TGM2: variants seen among roughly 807,000 people sequenced by gnomAD.
The protein encoded by TGM2 is protein-glutamine gamma-glutamyltransferase 2.
In TGM2, 53 loss-of-function variants were observed where a neutral mutation model predicts 75.6. That is an observed-to-expected ratio of 0.70 (90% CI 0.56 to 0.88). TGM2 has a LOEUF of 0.88. Ranked by LOEUF, TGM2 falls within the 40% of genes least tolerant of loss-of-function variation. The probability of loss-of-function intolerance (pLI) is 0.00; values close to 1 mark genes in which losing one functional copy is unlikely to be tolerated. For missense variants in TGM2, 842 were observed against 928.5 expected, an observed-to-expected ratio of 0.91 and a Z score of 1.21; for synonymous variants, 374 against 381.1, an observed-to-expected ratio of 0.98 and a Z score of 0.22.
intron 9 of TGM2, among the ~76,000 whole-genome samples, chr20:38,139,122 C>T (rs949134664): frequency 3.3e-5 from 5 of 152,154 alleles, no homozygotes; most frequent in East Asian, 1.9e-4. Context: ...ATTGGCTGTT[C>T]GATGTGCTCA....
chr20:38,156,340 A>G (rs1402309071), intron 2 of TGM2, among the ~76,000 whole-genome samples: 1 of 152,264 alleles, frequency 6.6e-6, no homozygotes, highest in Non-Finnish European at 1.5e-5. Context: ...GTCCTCAACT[A>G]AAGAGTCCTC....
chr20:38,164,017 G>A (rs573089025), intron 1 of TGM2, among the ~76,000 whole-genome samples: 55 of 152,372 alleles, frequency 3.6e-4, no homozygotes, highest in African/African-American at 9.6e-4. Context: ...TTCTAGGCCA[G>A]TGAGACCTCT....
At chr20:38,162,114 G>A (rs2075261512) in intron 1 of TGM2, among the ~76,000 whole-genome samples, 1 of 152,154 alleles carries the variant, frequency 6.6e-6, no homozygotes, top group Non-Finnish European at 1.5e-5. Context: ...GCCCAGCTTT[G>A]CCTAAATCTT....
chr20:38,135,121 G>GA (rs1470183447), intron 10 of TGM2, among the ~76,000 whole-genome samples: 1 of 152,238 alleles, frequency 6.6e-6, no homozygotes, highest in Non-Finnish European at 1.5e-5. Flanking sequence ...TGCCAGTGCG[G>GA]AACAATGCTC....
At chr20:38,152,202 G>A (rs1448282479) in intron 3 of TGM2, among the ~76,000 whole-genome samples, 1 of 152,064 alleles carries the variant, frequency 6.6e-6, no homozygotes. Context: ...AGTTTCTCAG[G>A]CCCCAGGCAC....
Position 38,130,014 on chromosome 20 carries a change from C to T in TGM2, c.*205G>A. On this transcript the variant is annotated 3_prime_UTR_variant, in exon 13 of 13. Coordinates refer to ENST00000361475, the MANE Select transcript of TGM2 (RefSeq NM_004613.4). ...CCCACTGTTTCTGGCACAGAGCATT[C>T]CTCACAGCAAAGGGGGTGAGTGGGG... The T allele has an allele frequency of 1.5e-6, 1 of 657,338 alleles. No individual in the cohort carries two copies. The allele number at this position is 657,338 out of a possible 1,614,324, so 40.7% of individuals were successfully genotyped here. A position where few individuals can be genotyped will look rare whatever the true frequency, so the allele number is the denominator to read the frequency against.
upstream of TGM2, among the ~76,000 whole-genome samples, chr20:38,166,880 G>A (rs1017756008): frequency 2.0e-5 from 3 of 152,166 alleles, no homozygotes; most frequent in African/African-American, 4.8e-5. Context: ...TGAAAGCTTG[G>A]AGGAAAGAGC....
intron 6 of TGM2, among the ~76,000 whole-genome samples, chr20:38,142,560 G>T (rs2074989542): frequency 6.6e-6 from 1 of 152,168 alleles, no homozygotes; most frequent in African/African-American, 2.4e-5. Flanking sequence ...ACAAAAATTA[G>T]CCAGGCATGG....
rs749022774 is a variant in TGM2 at position 38,138,381 on chromosome 20, G to T, written c.1347C>A (p.Ser449=). The change falls in exon 10 of 13, where the codon TCC becomes TCA. Residue 449 remains serine (S), a synonymous_variant. Transcript: ENST00000361475. ...ITHTYKYPEG[S]SEEREAFTRA... ...TTGTGAAGGCCTCCCTCTCCTCTGA[G>T]GACCCTGTAGGGGTTGAGAAGAGAG... 1.2e-6 allele frequency: 2 copies of T among 1,613,884 alleles called. No homozygotes were observed. Among genetic ancestry groups the T allele is most frequent in the Admixed American group, 3.3e-5 (2 of 60,020 alleles).
chr20:38,127,422 T>G lies in TGM2; in HGVS notation c.*2797A>C. ...TTTTTATTTTGATTTATTTTTTATG[T>G]GCATGTCATGTCTTTCTACATGACT... On this transcript the variant is annotated 3_prime_UTR_variant, in exon 13 of 13. Transcript: ENST00000361475. 2.1e-6 allele frequency: 2 copies of G among 963,344 alleles called. No individual in the cohort carries two copies. The highest frequency in any genetic ancestry group is 2.5e-6 in the Non-Finnish European group (2 of 809,716). 59.7% of individuals were successfully genotyped at this position (963,344 alleles called of 1,614,324 possible).
intron 4 of TGM2, among the ~76,000 whole-genome samples, chr20:38,148,654 C>T (rs904278479): frequency 6.6e-6 from 1 of 152,220 alleles, no homozygotes. Flanking sequence ...CTTCAAGGCC[C>T]TTCATGATCT....
chr20:38,154,646 G>A (rs1025731854), intron 3 of TGM2, among the ~76,000 whole-genome samples: 21 of 152,130 alleles, frequency 1.4e-4, no homozygotes, highest in African/African-American at 5.1e-4. Context: ...AAGTGGGGAA[G>A]TGTCATCTCC....
intron 3 of TGM2, among the ~76,000 whole-genome samples, chr20:38,151,708 G>C (rs569128963): frequency 6.6e-6 from 1 of 152,344 alleles, no homozygotes; most frequent in African/African-American, 2.4e-5. Context: ...GAGAGTTACA[G>C]AGGGCTCCCT....
chr20:38,149,651 C>T (rs893163531), intron 4 of TGM2, among the ~76,000 whole-genome samples: 1 of 131,116 alleles, frequency 7.6e-6, no homozygotes, highest in Non-Finnish European at 1.6e-5. Flanking sequence ...TGCACTCCAG[C>T]CTGGGCAACA....
upstream of TGM2, chr20:38,165,372 T>G: frequency 1.2e-6 from 1 of 869,230 alleles, no homozygotes; most frequent in East Asian, 2.7e-5. Flanking sequence ...CATTGCCCAG[T>G]CCCGGGCCCA....
intron 9 of TGM2, among the ~76,000 whole-genome samples, chr20:38,138,754 T>C (rs1351350233): frequency 6.6e-6 from 1 of 152,322 alleles, no homozygotes; most frequent in South Asian, 2.1e-4. Flanking sequence ...TACAGTGCAA[T>C]CTTTCTTACC....
chr20:38,132,489 G>A lies in TGM2; in HGVS notation c.1627C>T (p.Pro543Ser), dbSNP rs767375410. ...NLEPFSEKSVPLCILYEKYRD... is the reference protein window; with the variant it reads ...NLEPFSEKSVSLCILYEKYRD... ...TATTTCTCATAGAGGATGCAAAGAG[G>A]AACGCTCTTCTCTGCAGAAGGGGAG... Residue 543 changes from proline to serine, a missense_variant, in exon 11 of 13, where the codon CCT becomes TCT. By Grantham distance (74) the Pro-to-Ser change is moderately conservative (BLOSUM62 -1). Coordinates refer to ENST00000361475, the MANE Select transcript of TGM2 (RefSeq NM_004613.4). 8 of 1,614,120 alleles carry A rather than the reference G, an allele frequency of 5.0e-6. No individual in the cohort carries two copies. The highest frequency in any genetic ancestry group is 3.3e-4 in the Middle Eastern group (2 of 6,062).
At chr20:38,153,533 G>GAAAAA (rs542368902) in intron 3 of TGM2, among the ~76,000 whole-genome samples, 79 of 87,334 alleles carry the variant, frequency 9.0e-4, no homozygotes, top group East Asian at 5.7e-3. Flanking sequence ...TCAAAAAAAA[G>GAAAAA]AAAAAAAAAA....
intron 3 of TGM2, among the ~76,000 whole-genome samples, chr20:38,152,798 A>G (rs898653405): frequency 6.6e-6 from 1 of 152,090 alleles, no homozygotes; most frequent in African/African-American, 2.4e-5. Context: ...CCGCCCCGGG[A>G]TGTGGGTCAC....
Sources: allele counts gnomAD v4.1 joint callset (sites outside exome capture counted in the v4.1 genomes callset), GRCh38; gene constraint gnomAD v4.1.1; transcripts MANE v1.5; gene names NCBI Gene and HGNC (gene_info 2026-07-23, HGNC 2026-07-21).